The following BANF2 variants were observed in gnomAD, a reference collection of about 807,000 sequenced individuals.
BANF2 encodes BANF family member 2, also known as barrier-to-autointegration factor-like protein.
Under a neutral mutation model 8.0 loss-of-function variants are expected in BANF2, and 4 were observed. That is an observed-to-expected ratio of 0.50 (90% confidence interval 0.25 to 1.14). BANF2 has a LOEUF of 1.14. Ranked by LOEUF, BANF2 falls within the 50% of genes most tolerant of loss-of-function variation. The pLI is 0.16. For synonymous variants in BANF2, 50 were observed against 40.6 expected (o/e 1.23, Z -0.88); for missense variants, 96 against 107.5 (o/e 0.89, Z 0.47).
At chr20:17,704,524 T>C (rs2037454004) in intron 1 of BANF2, among the ~76,000 whole-genome samples, 1 of 152,236 alleles carries the variant, frequency 6.6e-6, no homozygotes, top group South Asian at 2.1e-4. Flanking sequence ...TTACCCACTG[T>C]TGCTGAGGTC....
intron 1 of BANF2, among the ~76,000 whole-genome samples, chr20:17,716,766 A>C (rs2037659053): frequency 7.4e-6 from 1 of 134,808 alleles, no homozygotes; most frequent in African/African-American, 2.8e-5. Flanking sequence ...TCTTGAGCCC[A>C]GGAGGCGGAG....
At chr20:17,699,429 G>C (rs2037379011), upstream of BANF2, among the ~76,000 whole-genome samples, 1 of 152,168 alleles carries the variant, frequency 6.6e-6, no homozygotes, top group Admixed American at 6.5e-5. Context: ...CTTGAAGGTG[G>C]GAGGATTTAT....
upstream of BANF2, among the ~76,000 whole-genome samples, chr20:17,695,601 G>GGTGTGT (rs71192402): frequency 4.7e-5 from 7 of 149,890 alleles, no homozygotes; most frequent in African/African-American, 1.2e-4. Context: ...AAAAACCTAG[G>GGTGTGT]GTGTGTGTGT....
chr20:17,698,785 A>G (rs907619074), upstream of BANF2, among the ~76,000 whole-genome samples: 1 of 152,246 alleles, frequency 6.6e-6, no homozygotes, highest in Non-Finnish European at 1.5e-5. Context: ...AACGTGGCTC[A>G]GTTCTGGCAA....
chr20:17,726,535 T>C (rs1225737237), intron 3 of BANF2, among the ~76,000 whole-genome samples: 1 of 152,216 alleles, frequency 6.6e-6, no homozygotes, highest in Non-Finnish European at 1.5e-5. Flanking sequence ...TTTACTTTCC[T>C]ATTGTGATGT....
intron 1 of BANF2, among the ~76,000 whole-genome samples, chr20:17,713,260 TGAGAGA>T (rs144968177): frequency 6.9e-6 from 1 of 144,848 alleles, no homozygotes; most frequent in African/African-American, 2.5e-5. Context: ...AAAGAAAGAA[TGAGAGA>T]GAGAGAGAGA....
intron 1 of BANF2, among the ~76,000 whole-genome samples, chr20:17,722,204 T>C (rs2037742292): frequency 6.6e-6 from 1 of 152,222 alleles, no homozygotes; most frequent in Admixed American, 6.5e-5. Context: ...CCCAGAGATG[T>C]TGCAAGGATC....
chr20:17,725,182 C>G, intron 3 of BANF2, 31 bp downstream of exon 3: 2 of 1,593,350 alleles, frequency 1.3e-6, no homozygotes, highest in African/African-American at 1.3e-5. Flanking sequence ...TCTCTGACTT[C>G]TCTTCCCTAC....
intron 3 of BANF2, among the ~76,000 whole-genome samples, chr20:17,730,089 G>A (rs1232183294): frequency 6.6e-6 from 1 of 152,222 alleles, no homozygotes; most frequent in Non-Finnish European, 1.5e-5. Flanking sequence ...CCTAAGAGCT[G>A]CCTGAAGGAT....
intron 1 of BANF2, among the ~76,000 whole-genome samples, chr20:17,704,809 ATGT>A (rs1415934664): frequency 2.6e-5 from 4 of 152,182 alleles, no homozygotes; most frequent in Non-Finnish European, 5.9e-5. Flanking sequence ...CCCTCAAATG[ATGT>A]TGTCAAGAAA....
At chr20:17,714,572 T>C (rs2037624527) in intron 1 of BANF2, among the ~76,000 whole-genome samples, 1 of 152,248 alleles carries the variant, frequency 6.6e-6, no homozygotes, top group African/African-American at 2.4e-5. Context: ...GGCTTCTTCA[T>C]GGATCGTTGC....
At chr20:17,704,473 A>G (rs74837251) in intron 1 of BANF2, among the ~76,000 whole-genome samples, 2 of 152,162 alleles carry the variant, frequency 1.3e-5, no homozygotes, top group African/African-American at 2.4e-5. Flanking sequence ...AGGGCCCTCA[A>G]TTCCACTTCT....
intron 1 of BANF2, among the ~76,000 whole-genome samples, chr20:17,694,815 T>A (rs562630170): frequency 1.9e-4 from 29 of 151,800 alleles, no homozygotes; most frequent in African/African-American, 7.0e-4. Flanking sequence ...AGAGACAGGG[T>A]CTCACTTGGT....
intron 1 of BANF2, among the ~76,000 whole-genome samples, chr20:17,703,407 G>A (rs2037437568): frequency 6.6e-6 from 1 of 152,238 alleles, no homozygotes; most frequent in Non-Finnish European, 1.5e-5. Flanking sequence ...TGCTTACAGT[G>A]TGTGAACATT....
At position 17,722,808 on chromosome 20, in the gene BANF2, G is replaced by A. The variant is rs1382685155; in HGVS notation, c.-74G>A. The A allele has an allele frequency of 3.0e-6, 3 of 984,878 alleles. No homozygotes were observed. The highest frequency in any genetic ancestry group is 3.6e-6 in the Non-Finnish European group (3 of 829,592). The allele number at this position is 984,878 out of a possible 1,614,324, so 61.0% of individuals were successfully genotyped here. ...TTCATCTCTTCCGGGAGAGTTCAGT[G>A]TCTTCTGAAATGTTACAAAACGTCC... On this transcript the variant is annotated 5_prime_UTR_variant, in exon 2 of 4. Coordinates refer to ENST00000246090, the MANE Select transcript of BANF2 (RefSeq NM_178477.5).
intron 3 of BANF2, among the ~76,000 whole-genome samples, chr20:17,728,299 C>T (rs2037839725): frequency 1.3e-5 from 2 of 152,186 alleles, no homozygotes; most frequent in African/African-American, 2.4e-5. Flanking sequence ...CCTCTCTGTG[C>T]ACCTGCTGGA....
rs941232107 is a variant in BANF2 at position 17,711,935 on chromosome 20, T to C, written c.-166-10781T>C. 4.6e-5 allele frequency among the ~76,000 whole-genome samples: 7 copies of C among 152,064 alleles called. No homozygotes were observed. The East Asian group carries it at 5.8e-4, about 13-fold the overall frequency. ...GTGTTAGAGAGTCCCTGTTGGGAGG[T>C]GCGGTCTCCTTAGGGACTGCTCTGC... is the stretch of plus-strand genomic sequence containing the variant. On this transcript the variant is annotated intron_variant, in intron 1 of 3. Coordinates refer to ENST00000246090, the MANE Select transcript of BANF2 (RefSeq NM_178477.5).
Position 17,735,858 on chromosome 20 carries a change from G to A in BANF2, c.*47G>A, listed in dbSNP as rs199599280. 23 of 1,580,620 alleles carry A rather than the reference G, an allele frequency of 1.5e-5. No homozygotes were observed. The Admixed American group carries it at 1.5e-4, about 10-fold the overall frequency. On this transcript the variant is annotated 3_prime_UTR_variant, in exon 4 of 4. Transcript: ENST00000246090. ...CCCACCACCCTCTGGGGAAAATGAC[G>A]CCTTCTCCACCTATGCCCAGGCTCC...
chr20:17,710,821 G>A (rs2037559252), intron 1 of BANF2, among the ~76,000 whole-genome samples: 1 of 152,104 alleles, frequency 6.6e-6, no homozygotes, highest in African/African-American at 2.4e-5. Flanking sequence ...GCTGAGCCAG[G>A]AGTGGAATCC....
Sources: allele counts gnomAD v4.1 joint callset (sites outside exome capture counted in the v4.1 genomes callset), GRCh38; gene constraint gnomAD v4.1.1; transcripts MANE v1.5; gene names NCBI Gene and HGNC (gene_info 2026-07-23, HGNC 2026-07-21).